The following CALN1 variants were observed in gnomAD, a reference collection of about 807,000 sequenced individuals.
CALN1 encodes the protein calcium-binding protein 8.
Under a neutral mutation model 30.6 loss-of-function variants are expected in CALN1, and 17 were observed. The ratio of observed to expected loss-of-function variants is 0.56; its 90% CI spans 0.38 to 0.83. The LOEUF (loss-of-function observed/expected upper bound fraction) is 0.83, where lower values mean the gene tolerates loss of function less well. Among genes scored for constraint, CALN1 ranks in the 40% least tolerant of loss-of-function variants. CALN1 has a pLI of 0.00. For missense variants in CALN1, 291 were observed against 354.9 expected, an observed-to-expected ratio of 0.82 and a Z score of 1.45; for synonymous variants, 156 against 131.4, an observed-to-expected ratio of 1.19 and a Z score of -1.28.
chr7:71,809,525 T>C (rs939513180), intron 6 of CALN1, among the ~76,000 whole-genome samples: 2 of 150,990 alleles, frequency 1.3e-5, no homozygotes, highest in Non-Finnish European at 2.9e-5. Flanking sequence ...ATGTCAGCAT[T>C]GAACAGAAAA....
At chr7:72,310,564 T>C (rs539467386) in intron 2 of CALN1, among the ~76,000 whole-genome samples, 2 of 151,970 alleles carry the variant, frequency 1.3e-5, no homozygotes, top group South Asian at 4.2e-4. Flanking sequence ...TGTGCTGGCA[T>C]GGTGTGGCGG....
chr7:72,177,459 C>G (rs1007264178), intron 3 of CALN1, among the ~76,000 whole-genome samples: 2 of 152,032 alleles, frequency 1.3e-5, no homozygotes, highest in Admixed American at 1.3e-4. Context: ...CTACACCAAG[C>G]TTTATATTAC....
intron 1 of CALN1, among the ~76,000 whole-genome samples, chr7:72,443,980 G>T (rs1412563027): frequency 6.9e-6 from 1 of 144,278 alleles, no homozygotes; most frequent in Non-Finnish European, 1.5e-5. Flanking sequence ...ACTCCAGCCT[G>T]GGTGACAGAG....
intron 4 of CALN1, among the ~76,000 whole-genome samples, chr7:72,036,208 T>C (rs1421706547): frequency 6.6e-6 from 1 of 152,236 alleles, no homozygotes; most frequent in Non-Finnish European, 1.5e-5. Flanking sequence ...GTGAGAAACA[T>C]GCTGACAATC....
chr7:72,389,490 T>C (rs769167039), intron 2 of CALN1, among the ~76,000 whole-genome samples: 2 of 152,222 alleles, frequency 1.3e-5, no homozygotes, highest in Non-Finnish European at 2.9e-5. Flanking sequence ...GAGTCTTCCC[T>C]GTTAGGCTTT....
chr7:71,922,970 A>T (rs1222827182), intron 5 of CALN1, among the ~76,000 whole-genome samples: 1 of 149,932 alleles, frequency 6.7e-6, no homozygotes, highest in Non-Finnish European at 1.5e-5. Flanking sequence ...AGATCTATGT[A>T]TCCATCTATC....
intron 2 of CALN1, among the ~76,000 whole-genome samples, chr7:72,323,676 A>G (rs968381278): frequency 2.0e-5 from 2 of 98,864 alleles, no homozygotes; most frequent in East Asian, 2.7e-4. Context: ...AAAAAAAAAT[A>G]AAAAATAAAG....
intron 2 of CALN1, among the ~76,000 whole-genome samples, chr7:72,383,385 G>A (rs775724950): frequency 1.5e-4 from 23 of 152,308 alleles, no homozygotes; most frequent in Non-Finnish European, 2.9e-4. Flanking sequence ...CACCAAAAGT[G>A]TATGAGCGTT....
chr7:72,118,243 C>T (rs1288023212), intron 3 of CALN1, among the ~76,000 whole-genome samples: 2 of 152,094 alleles, frequency 1.3e-5, no homozygotes, highest in African/African-American at 4.8e-5. Flanking sequence ...TGAAATTATA[C>T]CAACAAACAC....
intron 5 of CALN1, among the ~76,000 whole-genome samples, chr7:71,931,857 A>G (rs752811571): frequency 2.0e-5 from 3 of 147,716 alleles, no homozygotes; most frequent in Non-Finnish European, 4.6e-5. Flanking sequence ...CCCAAAACTC[A>G]TTTCTTAGAC....
At chr7:72,275,384 A>G (rs1797267364) in intron 3 of CALN1, among the ~76,000 whole-genome samples, 1 of 152,084 alleles carries the variant, frequency 6.6e-6, no homozygotes, top group Non-Finnish European at 1.5e-5. Context: ...ATCCATAGTC[A>G]TCTGAATTGA....
chr7:72,481,058 T>G, the CALN1 span, among the ~76,000 whole-genome samples: 5 of 152,198 alleles, frequency 3.3e-5, no homozygotes, highest in Non-Finnish European at 4.4e-5. Flanking sequence ...GTTCAAGCGA[T>G]TCTCCTGCCT....
At chr7:72,243,064 G>A (rs533415890) in intron 3 of CALN1, among the ~76,000 whole-genome samples, 1 of 152,210 alleles carries the variant, frequency 6.6e-6, no homozygotes, top group Non-Finnish European at 1.5e-5. Context: ...GGGAAGTGAT[G>A]CGGAGTGAAT....
intron 2 of CALN1, among the ~76,000 whole-genome samples, chr7:72,360,889 G>A (rs770199093): frequency 2.0e-5 from 3 of 151,372 alleles, no homozygotes; most frequent in Non-Finnish European, 4.4e-5. Flanking sequence ...CTACCATGCC[G>A]GGTTAATTTC....
At chr7:72,160,261 C>T (rs1356623552) in intron 3 of CALN1, among the ~76,000 whole-genome samples, 2 of 147,834 alleles carry the variant, frequency 1.4e-5, no homozygotes, top group Non-Finnish European at 3.0e-5. Context: ...CATTAAAGAA[C>T]ACTATTTATT....
intron 2 of CALN1, among the ~76,000 whole-genome samples, chr7:72,294,205 T>A (rs1219047360): frequency 6.6e-6 from 1 of 152,134 alleles, no homozygotes; most frequent in Non-Finnish European, 1.5e-5. Context: ...CTTGAATGGG[T>A]CACTTAAATT....
At chr7:72,017,595 C>T (rs1800471177) in intron 5 of CALN1, among the ~76,000 whole-genome samples, 1 of 152,150 alleles carries the variant, frequency 6.6e-6, no homozygotes, top group Non-Finnish European at 1.5e-5. Context: ...CCCAAAAGTC[C>T]TGAGCATGCA....
intron 3 of CALN1, among the ~76,000 whole-genome samples, chr7:72,239,377 C>T (rs1004454149): frequency 2.0e-5 from 3 of 152,044 alleles, no homozygotes; most frequent in African/African-American, 7.3e-5. Flanking sequence ...GCCTGGACAA[C>T]AGAACAAGAC....
chr7:72,180,291 C>T (rs1171029363), intron 3 of CALN1, among the ~76,000 whole-genome samples: 2 of 152,176 alleles, frequency 1.3e-5, no homozygotes, highest in Non-Finnish European at 2.9e-5. Flanking sequence ...TACATTGGGA[C>T]CCCACCCTAC....
Sources: gnomAD v4.1 joint callset for allele counts (sites outside exome capture counted in the v4.1 genomes callset) on GRCh38, gnomAD v4.1.1 for gene constraint, MANE v1.5 for transcripts, NCBI Gene and HGNC (gene_info 2026-07-23, HGNC 2026-07-21) for gene names.